The following ERBB4 variants were observed in gnomAD, a reference collection of about 807,000 sequenced individuals.
The protein encoded by ERBB4 is receptor tyrosine-protein kinase erbB-4.
A neutral mutation model predicts 158.0 loss-of-function variants in ERBB4; 42 were observed. The ratio of observed to expected loss-of-function variants is 0.27; its 90% CI spans 0.21 to 0.34. ERBB4 has a LOEUF of 0.34. Ranked by LOEUF, ERBB4 falls within the 10% of genes least tolerant of loss-of-function variation. The pLI is 1.00. For synonymous variants in ERBB4, 583 were observed against 558.7 expected, an observed-to-expected ratio of 1.04 and a Z score of -0.61; for missense variants, 1,333 against 1,624.1, an observed-to-expected ratio of 0.82 and a Z score of 3.08.
chr2:211,977,858 C>CAA (rs34095237), intron 2 of ERBB4, among the ~76,000 whole-genome samples: 34,456 of 109,662 alleles, frequency 0.31, 6,222 homozygotes, highest in Non-Finnish European at 0.39. Flanking sequence ...AACTCCGTCT[C>CAA]AAAAAAAAAA....
intron 25 of ERBB4, among the ~76,000 whole-genome samples, chr2:211,401,685 AAAAACAAAT>A (rs879474974): frequency 6.6e-6 from 1 of 152,084 alleles, no homozygotes; most frequent in Non-Finnish European, 1.5e-5. Flanking sequence ...TGTAGATTTT[AAAAACAAAT>A]AAACATGCTT....
intron 3 of ERBB4, among the ~76,000 whole-genome samples, chr2:211,794,316 A>G (rs1354471570): frequency 6.6e-6 from 1 of 151,878 alleles, no homozygotes; most frequent in East Asian, 1.9e-4. Flanking sequence ...CTCCTGTAAC[A>G]CTGATTACCC....
chr2:211,780,818 AT>A (rs2076015251), intron 4 of ERBB4, among the ~76,000 whole-genome samples: 1 of 152,170 alleles, frequency 6.6e-6, no homozygotes, highest in African/African-American at 2.4e-5. Context: ...TTTTATCGGT[AT>A]TTTAGAAAAA....
At chr2:211,643,956 T>C (rs192710093) in intron 16 of ERBB4, among the ~76,000 whole-genome samples, 3 of 151,982 alleles carry the variant, frequency 2.0e-5, no homozygotes. Flanking sequence ...CAAGCAAATA[T>C]GTACTGAAAG....
intron 1 of ERBB4, among the ~76,000 whole-genome samples, chr2:212,453,833 T>C (rs970308656): frequency 6.6e-6 from 1 of 152,204 alleles, no homozygotes. Context: ...CTGTCAGACA[T>C]CTTTGACAAA....
intron 3 of ERBB4, among the ~76,000 whole-genome samples, chr2:211,878,546 A>G (rs1174399747): frequency 1.3e-5 from 2 of 152,136 alleles, no homozygotes; most frequent in African/African-American, 4.8e-5. Flanking sequence ...AGGTATTTAC[A>G]GTTTTCAGGA....
chr2:211,806,015 T>C (rs572204286), intron 3 of ERBB4, among the ~76,000 whole-genome samples: 38 of 151,916 alleles, frequency 2.5e-4, no homozygotes, highest in Non-Finnish European at 5.0e-4. Context: ...TTACAAGTTA[T>C]AGAGAGAAGA....
intron 12 of ERBB4, 110 bp downstream of exon 12, chr2:211,701,857 G>A: frequency 1.3e-6 from 1 of 793,828 alleles, no homozygotes; most frequent in South Asian, 1.5e-5. Flanking sequence ...TAAGGGTTGG[G>A]ATAACAGAGC....
chr2:211,943,170 G>A (rs1432603893), intron 3 of ERBB4, among the ~76,000 whole-genome samples: 11 of 151,928 alleles, frequency 7.2e-5, no homozygotes, highest in Non-Finnish European at 1.0e-4. Context: ...TAACAGATGA[G>A]GTGATTTTAT....
rs546295120 is a variant in ERBB4, at chr2:211,705,241, G to A, written c.1198+77C>T. 4.7e-5 allele frequency: 47 copies of A among 1,005,990 alleles called. 1 individual carries two copies. The African/African-American group carries it at 7.2e-4, about 16-fold the overall frequency. 62.3% of individuals were successfully genotyped at this position (1,005,990 alleles called of 1,614,324 possible). A position where few individuals can be genotyped will look rare whatever the true frequency, so the allele number is the denominator to read the frequency against. On this transcript the variant is annotated intron_variant, in intron 10 of 27. Transcript: ENST00000342788. The stretch of plus-strand genomic sequence containing the variant: ...TGCTGGGATTACTGGTGTGAGCCAC[G>A]ATGCCCAGTCAATCTTGTGTAATTT...
At chr2:211,977,531 T>TAAAAAAAAA (rs370595284) in intron 2 of ERBB4, among the ~76,000 whole-genome samples, 775 of 67,596 alleles carry the variant, frequency 0.011, 42 homozygotes, top group Middle Eastern at 0.017. Context: ...ATATTGACTT[T>TAAAAAAAAA]AAAAAAAAAA....
intron 20 of ERBB4, among the ~76,000 whole-genome samples, chr2:211,553,912 A>G (rs920080978): frequency 2.0e-5 from 3 of 152,222 alleles, no homozygotes; most frequent in African/African-American, 7.2e-5. Context: ...CAATAGTTAA[A>G]ACATTGCTTG....
intron 4 of ERBB4, among the ~76,000 whole-genome samples, chr2:211,781,322 T>C (rs1039849758): frequency 6.6e-6 from 1 of 152,224 alleles, no homozygotes; most frequent in African/African-American, 2.4e-5. Flanking sequence ...GCAGAACATC[T>C]GGTTAAACAA....
intron 16 of ERBB4, among the ~76,000 whole-genome samples, chr2:211,648,285 AT>A (rs906039432): frequency 3.3e-5 from 5 of 151,654 alleles, no homozygotes; most frequent in African/African-American, 1.2e-4. Context: ...CATTGGTTGT[AT>A]TTTTCTTTTC....
At chr2:211,458,458 G>T (rs973097823) in intron 20 of ERBB4, among the ~76,000 whole-genome samples, 10 of 152,104 alleles carry the variant, frequency 6.6e-5, no homozygotes, top group African/African-American at 2.2e-4. Context: ...GTAGAGATGG[G>T]TTTTCACCAT....
At chr2:212,247,197 T>C (rs1160938667) in intron 1 of ERBB4, among the ~76,000 whole-genome samples, 1 of 152,210 alleles carries the variant, frequency 6.6e-6, no homozygotes, top group Non-Finnish European at 1.5e-5. Context: ...GGATGCCTTA[T>C]TGTATCTTCC....
chr2:212,381,271 C>T (rs1387262609), intron 1 of ERBB4, among the ~76,000 whole-genome samples: 1 of 151,182 alleles, frequency 6.6e-6, no homozygotes, highest in Non-Finnish European at 1.5e-5. Flanking sequence ...CAAAGGTTGG[C>T]TCAAAAGAAG....
At chr2:211,982,660 C>A (rs770978864) in intron 2 of ERBB4, among the ~76,000 whole-genome samples, 1 of 152,130 alleles carries the variant, frequency 6.6e-6, no homozygotes, top group Non-Finnish European at 1.5e-5. Context: ...CCTAGAGGAG[C>A]CTTCAGGTTA....
chr2:211,404,172 C>A (rs1248796832), intron 25 of ERBB4, among the ~76,000 whole-genome samples: 1 of 152,014 alleles, frequency 6.6e-6, no homozygotes, highest in Non-Finnish European at 1.5e-5. Context: ...TTGCAACTGC[C>A]CTACCGGAGC....
Sources: gnomAD v4.1 joint callset for allele counts (sites outside exome capture counted in the v4.1 genomes callset) on GRCh38, gnomAD v4.1.1 for gene constraint, MANE v1.5 for transcripts, NCBI Gene and HGNC (gene_info 2026-07-23, HGNC 2026-07-21) for gene names.